Variants in SLC1A4 observed in about 807,000 individuals in gnomAD.
The protein encoded by SLC1A4 is solute carrier family 1 member 4.
In SLC1A4, 19 loss-of-function variants were observed where a neutral mutation model predicts 37.7. That is an observed-to-expected ratio of 0.50 (90% CI 0.35 to 0.74). The LOEUF (loss-of-function observed/expected upper bound fraction) is 0.74, where lower values mean the gene tolerates loss of function less well. SLC1A4 is among the 30% of genes least tolerant of loss of function. The pLI, the probability that SLC1A4 is intolerant of heterozygous loss-of-function variation, is 0.01. For missense variants in SLC1A4, 570 were observed against 712.9 expected, an observed-to-expected ratio of 0.80 and a Z score of 2.28; for synonymous variants, 299 against 309.8, an observed-to-expected ratio of 0.97 and a Z score of 0.37.
rs1253833996 is a variant in SLC1A4 at position 65,018,145 on chromosome 2, T to G, written c.1109T>G (p.Ile370Ser). 6.2e-7 allele frequency: 1 copy of G among 1,614,206 alleles called. No homozygotes were observed. The highest frequency in any genetic ancestry group is 8.5e-7 in the Non-Finnish European group (1 of 1,180,024). The change falls in exon 6 of 8, where the codon ATT becomes AGT. Residue 370 changes from isoleucine (I) to serine (S), a missense_variant. Transcript: ENST00000234256. The surrounding 1 kb of genome is among the most constrained non-coding windows in gnomAD (Gnocchi z 4.3). ...NGVDKRISRF[I>S]LPIGATVNMD... Reference sequence around the variant, plus strand: ...GTGGACAAGAGGATCAGCAGGTTTATTCTCCCCATCGGGGCCACCGTGAAC... The same window carrying G: ...GTGGACAAGAGGATCAGCAGGTTTAGTCTCCCCATCGGGGCCACCGTGAAC...
intron 7 of SLC1A4, among the ~76,000 whole-genome samples, chr2:65,019,470 T>C (rs1674319917): frequency 6.6e-6 from 1 of 152,068 alleles, no homozygotes; most frequent in South Asian, 2.1e-4. Flanking sequence ...TGGGGAAGAT[T>C]GAGCGAGTTA....
rs1212763966 is a variant in SLC1A4 at position 65,018,671 on chromosome 2, C to T, written c.1356C>T (p.Asp452=). ...THDLPLILAV[D]WIVDRTTTVV... ...ACCTGCCTCTGATCCTGGCTGTGGA[C>T]TGGATTGTGTAAGTAACAAGTCCTG... The change falls in exon 7 of 8, where the codon GAC becomes GAT. Residue 452 remains aspartate (D), a synonymous_variant. Coordinates refer to ENST00000234256, the MANE Select transcript of SLC1A4 (RefSeq NM_003038.5). The surrounding 1 kb of genome is among the most constrained non-coding windows in gnomAD (Gnocchi z 4.3). 1 of 1,614,164 alleles carries T rather than the reference C, an allele frequency of 6.2e-7. No homozygotes were observed. The highest frequency in any genetic ancestry group is 8.5e-7 in the Non-Finnish European group (1 of 1,180,024).
intron 3 of SLC1A4, among the ~76,000 whole-genome samples, chr2:65,009,288 AC>A (rs1673811388): frequency 2.0e-5 from 3 of 151,968 alleles, no homozygotes; most frequent in East Asian, 3.9e-4. Flanking sequence ...CAGGAGAATC[AC>A]TTGAACCCAG....
intron 7 of SLC1A4, among the ~76,000 whole-genome samples, chr2:65,019,837 A>G (rs1016814115): frequency 3.3e-5 from 5 of 152,194 alleles, no homozygotes; most frequent in African/African-American, 1.2e-4. Context: ...AGGAACAGGG[A>G]AACAGGGCAC....
chr2:64,995,846 A>G (rs1673234312), intron 1 of SLC1A4, among the ~76,000 whole-genome samples: 1 of 152,238 alleles, frequency 6.6e-6, no homozygotes, highest in Non-Finnish European at 1.5e-5. Context: ...AGAACAGAGA[A>G]ATGCATACCA....
chr2:64,991,601 G>GTTTGTTTA (rs1336241396), intron 1 of SLC1A4, among the ~76,000 whole-genome samples: 8 of 151,700 alleles, frequency 5.3e-5, no homozygotes, highest in Non-Finnish European at 1.0e-4. Context: ...CTTTTTGTTT[G>GTTTGTTTA]TTTGTTTGTT....
intron 2 of SLC1A4, among the ~76,000 whole-genome samples, chr2:65,001,926 A>G (rs531409511): frequency 6.6e-6 from 1 of 152,340 alleles, no homozygotes; most frequent in Non-Finnish European, 1.5e-5. Context: ...GCTACCCATT[A>G]TTTTGGTATA....
At chr2:64,998,339 T>G (rs556965279) in intron 1 of SLC1A4, among the ~76,000 whole-genome samples, 12 of 150,922 alleles carry the variant, frequency 8.0e-5, no homozygotes, top group African/African-American at 2.7e-4. Flanking sequence ...GAGAATCTTT[T>G]GAACCCAGAG....
intron 3 of SLC1A4, among the ~76,000 whole-genome samples, chr2:65,009,215 A>G (rs970913289): frequency 6.6e-6 from 1 of 152,000 alleles, no homozygotes; most frequent in African/African-American, 2.4e-5. Context: ...CTCTACTAAA[A>G]ATACAAAATT....
At chr2:65,019,294 A>C (rs17029749) in intron 7 of SLC1A4, among the ~76,000 whole-genome samples, 1 of 152,186 alleles carries the variant, frequency 6.6e-6, no homozygotes, top group African/African-American at 2.4e-5. Flanking sequence ...CTGAGGTACT[A>C]AAGTTGAGAC....
chr2:64,990,758 G>A (rs1673019390), intron 1 of SLC1A4, among the ~76,000 whole-genome samples: 1 of 152,140 alleles, frequency 6.6e-6, no homozygotes, highest in Non-Finnish European at 1.5e-5. Context: ...TGAGGGCTTG[G>A]GGCTTGGGAC....
intron 1 of SLC1A4, among the ~76,000 whole-genome samples, chr2:64,991,258 A>C (rs1379427829): frequency 6.6e-6 from 1 of 152,096 alleles, no homozygotes; most frequent in Non-Finnish European, 1.5e-5. Flanking sequence ...GGCTGTCTGC[A>C]CTTAAGAGAG....
At position 65,018,837 on chromosome 2, in the gene SLC1A4, A is replaced by T. The variant is rs1674295231; in HGVS notation, c.1364+158A>T. ...TAAAAGGGCAAGATTTAGAGCTAGG[A>T]AAAATTAAACAATATGAGAGTCACA... is the stretch of plus-strand genomic sequence containing the variant. On this transcript the variant is annotated intron_variant, in intron 7 of 7. Coordinates refer to ENST00000234256, the MANE Select transcript of SLC1A4 (RefSeq NM_003038.5). This position sits in a 1 kb window ranked among gnomAD's most constrained non-coding sequence, Gnocchi z 4.3. 6.6e-6 allele frequency among the ~76,000 whole-genome samples: 1 copy of T among 152,256 alleles called. No homozygotes were observed. Among genetic ancestry groups the T allele is most frequent in the African/African-American group, 2.4e-5 (1 of 41,472 alleles).
At chr2:65,000,050 G>A (rs970022841) in intron 1 of SLC1A4, 3 of 152,168 alleles carry the variant, frequency 2.0e-5, no homozygotes, top group Admixed American at 2.0e-4. Flanking sequence ...ATAGTTGCCT[G>A]GAGATCCTGG....
At chr2:65,017,779 G>A (rs1043577581) in intron 5 of SLC1A4, among the ~76,000 whole-genome samples, 13 of 152,210 alleles carry the variant, frequency 8.5e-5, no homozygotes, top group East Asian at 5.8e-4. Flanking sequence ...TCTCGGGAAC[G>A]TTTTGCACCG....
rs1250928269 is a variant in SLC1A4, at chr2:65,021,505, C to T, written c.*359C>T. 4 of 244,778 alleles carry T rather than the reference C, an allele frequency of 1.6e-5. No homozygotes were observed. Among genetic ancestry groups the T allele is most frequent in the Non-Finnish European group, 3.2e-5 (4 of 125,764 alleles). The allele number at this position is 244,778 out of a possible 1,614,324, so 15.2% of individuals were successfully genotyped here. On this transcript the variant is annotated 3_prime_UTR_variant, in exon 8 of 8. Coordinates refer to ENST00000234256, the MANE Select transcript of SLC1A4 (RefSeq NM_003038.5). ...AAATGCAGATGTATTTCACTCTCCCCGGTCAGCTCTGCATCAGGTGTTTTC... is the reference window on the plus strand; with the variant it reads ...AAATGCAGATGTATTTCACTCTCCCTGGTCAGCTCTGCATCAGGTGTTTTC...
rs367721947 is a variant in SLC1A4 at position 65,001,457 on chromosome 2, T to C, written c.537T>C (p.Phe179=). ...DSFLDLARNL[F]PSNLVVAAFR... ...CTTTCTTTTCCAACAGAAACCTGTT[T>C]CCCTCCAATCTTGTGGTTGCAGCTT... is the stretch of plus-strand genomic sequence containing the variant. The change falls in exon 2 of 8, where the codon TTT becomes TTC. Residue 179 remains phenylalanine (F), a synonymous_variant. Coordinates refer to ENST00000234256, the MANE Select transcript of SLC1A4 (RefSeq NM_003038.5). The C allele has an allele frequency of 3.7e-6, 6 of 1,614,026 alleles. No homozygotes were observed. In the African/African-American group the frequency reaches 5.3e-5, roughly 14 times the overall value.
At chr2:65,013,733 T>C (rs1305957775) in intron 4 of SLC1A4, among the ~76,000 whole-genome samples, 7 of 152,192 alleles carry the variant, frequency 4.6e-5, no homozygotes, top group African/African-American at 1.4e-4. Flanking sequence ...ATGGGAGGCA[T>C]TGTCAGTATT....
rs1674270300 is a variant in SLC1A4, at chr2:65,018,499, C to G, written c.1230-46C>G. The G allele has an allele frequency of 5.0e-6, 8 of 1,607,604 alleles. No homozygotes were observed. Among genetic ancestry groups the G allele is most frequent in the Non-Finnish European group, 6.8e-6 (8 of 1,176,558 alleles). On this transcript the variant is annotated intron_variant, in intron 6 of 7. Transcript: ENST00000234256. The surrounding 1 kb of genome is among the most constrained non-coding windows in gnomAD (Gnocchi z 4.3). ...CATGGTCTGCATTTCTCTGTGTCCA[C>G]TCCACGCTCTATGTTAATGGCTGGC...
Sources: allele counts gnomAD v4.1 joint callset (sites outside exome capture counted in the v4.1 genomes callset), GRCh38; gene constraint gnomAD v4.1.1; non-coding constraint Gnocchi (gnomAD v3.1); transcripts MANE v1.5; gene names NCBI Gene and HGNC (gene_info 2026-07-23, HGNC 2026-07-21).